The following TRIM31 variants were observed in gnomAD, a reference collection of about 807,000 sequenced individuals.
The protein encoded by TRIM31 is E3 ubiquitin-protein ligase TRIM31.
In TRIM31, 31 loss-of-function variants were observed where a neutral mutation model predicts 40.6. The ratio of observed to expected loss-of-function variants is 0.76; its 90% CI spans 0.57 to 1.03. The LOEUF (loss-of-function observed/expected upper bound fraction) is 1.03. Ranked by LOEUF, TRIM31 falls within the 50% of genes least tolerant of loss-of-function variation. The probability of loss-of-function intolerance (pLI) is 0.00; values close to 1 mark genes in which losing one functional copy is unlikely to be tolerated. For synonymous variants in TRIM31, 164 were observed against 193.9 expected (o/e 0.85, Z 1.28); for missense variants, 455 against 497.5 (o/e 0.91, Z 0.81).
At chr6:30,109,132 T>G (rs1226112266) in intron 4 of TRIM31, 84 bp from the exon 5 acceptor site, 1 of 1,428,476 alleles carries the variant, frequency 7.0e-7, no homozygotes, top group Non-Finnish European at 9.9e-7. Context: ...CTGCTGGGTG[T>G]GGGGCAGAGC....
intron 4 of TRIM31, 127 bp from the exon 5 acceptor site, chr6:30,109,175 AC>A: frequency 1.1e-6 from 1 of 899,378 alleles, no homozygotes; most frequent in Non-Finnish European, 1.8e-6. Flanking sequence ...AGTCTCTCTT[AC>A]CCCATCCTCC....
intron 4 of TRIM31, among the ~76,000 whole-genome samples, chr6:30,109,708 C>CAAAATTT (rs1339121729): frequency 1.3e-5 from 2 of 152,078 alleles, no homozygotes. Context: ...TGGTAAAACC[C>CAAAATTT]CGTGTCTGCT....
chr6:30,105,586 A>G (rs1240691716), intron 6 of TRIM31: 1 of 166,854 alleles, frequency 6.0e-6, no homozygotes, highest in Non-Finnish European at 1.3e-5. Flanking sequence ...ATTTAACTCA[A>G]TATTCTCAAA....
Position 30,111,417 on chromosome 6 carries a change from C to T in TRIM31, c.513+231G>A, listed in dbSNP as rs991317795. ...TGTACTTGCGATTCTAAGACCAGCG[C>T]GGGTTTTCCGTGCCCCACCTTGTCT... On this transcript the variant is annotated intron_variant, in intron 3 of 8. Transcript: ENST00000376734. 3 of 537,928 alleles carry T rather than the reference C, an allele frequency of 5.6e-6. No homozygotes were observed. In the African/African-American group the frequency reaches 5.7e-5, roughly 10 times the overall value. 33.3% of individuals were successfully genotyped at this position (537,928 alleles called of 1,614,324 possible). A position where few individuals can be genotyped will look rare whatever the true frequency, so the allele number is the denominator to read the frequency against.
At chr6:30,106,245 C>A (rs758054466) in intron 6 of TRIM31, among the ~76,000 whole-genome samples, 1 of 152,166 alleles carries the variant, frequency 6.6e-6, no homozygotes, top group Non-Finnish European at 1.5e-5. Context: ...GTGGGACAAG[C>A]GTGGGTAGCT....
chr6:30,112,980 A>G (rs1769519165), intron 1 of TRIM31, 84 bp downstream of exon 1: 1 of 569,212 alleles, frequency 1.8e-6, no homozygotes, highest in Non-Finnish European at 2.9e-6. Flanking sequence ...AAGAGGGAGA[A>G]AAAAATAAAG....
rs1769530588 is a variant in TRIM31 at position 30,113,071 on chromosome 6, C to T, written c.-91G>A. On this transcript the variant is annotated 5_prime_UTR_variant, in exon 1 of 9. Transcript: ENST00000376734. ...ACAGATGGGCAGTCCTACCTTGCTACCTCTTGAGAACAAATGGATACTTTG... is the reference window on the plus strand; with the variant it reads ...ACAGATGGGCAGTCCTACCTTGCTATCTCTTGAGAACAAATGGATACTTTG... 1 of 461,748 alleles carries T rather than the reference C, an allele frequency of 2.2e-6. No individual in the cohort carries two copies. Among genetic ancestry groups the T allele is most frequent in the Non-Finnish European group, 3.8e-6 (1 of 265,478 alleles). 28.6% of individuals were successfully genotyped at this position (461,748 alleles called of 1,614,324 possible).
At position 30,103,434 on chromosome 6, in the gene TRIM31, C is replaced by A; in HGVS notation, c.*102G>T. ...ATTCTCCACTCCTTCGACCCAATTC[C>A]ACTAAGTCAAGAACCGTGGTCGGTC... is the stretch of plus-strand genomic sequence containing the variant. On this transcript the variant is annotated 3_prime_UTR_variant, in exon 9 of 9. Coordinates refer to ENST00000376734, the MANE Select transcript of TRIM31 (RefSeq NM_007028.5). 1.9e-6 allele frequency: 3 copies of A among 1,538,700 alleles called. No individual in the cohort carries two copies. The South Asian group carries it at 3.7e-5, about 19-fold the overall frequency.
At chr6:30,109,137 C>T (rs1769043493) in intron 4 of TRIM31, 89 bp from the exon 5 acceptor site, 10 of 1,394,776 alleles carry the variant, frequency 7.2e-6, no homozygotes, top group Non-Finnish European at 1.0e-5. Flanking sequence ...GGGTGTGGGG[C>T]AGAGCAGGAG....
intron 5 of TRIM31, 144 bp from the exon 6 acceptor site, chr6:30,108,312 A>T: frequency 1.6e-6 from 1 of 630,854 alleles, no homozygotes; most frequent in Non-Finnish European, 2.8e-6. Context: ...TAATCCCAGC[A>T]CTTTGGGAGG....
chr6:30,111,626 C>T (rs1213538869), intron 3 of TRIM31, 22 bp downstream of exon 3: 1 of 1,609,100 alleles, frequency 6.2e-7, no homozygotes, highest in Non-Finnish European at 8.5e-7. Flanking sequence ...TTCCAGAGAT[C>T]GTGGGATGGA....
intron 6 of TRIM31, among the ~76,000 whole-genome samples, chr6:30,106,873 G>A (rs948542122): frequency 2.2e-4 from 33 of 152,208 alleles, no homozygotes; most frequent in Admixed American, 7.9e-4. Flanking sequence ...AGGCTGAGGC[G>A]GGTGGATCAC....
chr6:30,109,180 A>G, intron 4 of TRIM31, 132 bp from the exon 5 acceptor site: 1 of 850,984 alleles, frequency 1.2e-6, no homozygotes, highest in South Asian at 1.4e-5. Context: ...CTCTTACCCC[A>G]TCCTCCTCCC....
chr6:30,110,441 G>C lies in TRIM31; in HGVS notation c.744+7C>G. 6.2e-7 allele frequency: 1 copy of C among 1,613,750 alleles called. No individual in the cohort carries two copies. The highest frequency in any genetic ancestry group is 8.5e-7 in the Non-Finnish European group (1 of 1,179,804). On this transcript the variant is annotated splice_region_variant and intron_variant, in intron 4 of 8. Coordinates refer to ENST00000376734, the MANE Select transcript of TRIM31 (RefSeq NM_007028.5). ...CCTCTCTGCAATTCTGCCCCCAAGG[G>C]ACTCACCTCCAGCAGCTGCCTGGGT...
At chr6:30,106,815 G>C (rs918922674) in intron 6 of TRIM31, among the ~76,000 whole-genome samples, 1 of 152,152 alleles carries the variant, frequency 6.6e-6, no homozygotes, top group Non-Finnish European at 1.5e-5. Flanking sequence ...AAAGGTGCTG[G>C]ATCGGGCTGG....
Position 30,112,877 on chromosome 6 carries a change from T to G in TRIM31, c.-72A>C. 1 of 1,456,816 alleles carries G rather than the reference T, an allele frequency of 6.9e-7. No homozygotes were observed. Among genetic ancestry groups the G allele is most frequent in the Non-Finnish European group, 9.2e-7 (1 of 1,091,730 alleles). The allele number at this position is 1,456,816 out of a possible 1,614,324, so 90.2% of individuals were successfully genotyped here. On this transcript the variant is annotated 5_prime_UTR_variant, in exon 2 of 9. Transcript: ENST00000376734. ...TCTGTAGGAGCCCCGGAGTCCACTG[T>G]GGATACTGTTTCTAGGAAGGGAGAA...
At chr6:30,110,412 G>A in intron 4 of TRIM31, 36 bp downstream of exon 4, 2 of 1,601,194 alleles carry the variant, frequency 1.2e-6, no homozygotes, top group Admixed American at 1.7e-5. Context: ...GGGATGGGCT[G>A]CTACCTCTCT....
intron 7 of TRIM31, 45 bp from the exon 8 acceptor site, chr6:30,104,212 A>C (rs748843209): frequency 6.3e-7 from 1 of 1,599,436 alleles, no homozygotes; most frequent in East Asian, 2.2e-5. Context: ...GATAACCAGA[A>C]GCTGCAAATT....
At position 30,103,146 on chromosome 6, in the gene TRIM31, GCGTTGCTC is replaced by G; in HGVS notation, c.*382_*389del. The stretch of plus-strand genomic sequence containing the variant: ...GTTTGATGGACTGTGACCCAGGCTG[GCGTTGCTC>G]CTCTCCGGATTTCACTCCTGGCTGA... On this transcript the variant is annotated 3_prime_UTR_variant, in exon 9 of 9. Coordinates refer to ENST00000376734, the MANE Select transcript of TRIM31 (RefSeq NM_007028.5). 1 of 269,142 alleles carries G rather than the reference GCGTTGCTC, an allele frequency of 3.7e-6. No homozygotes were observed. Among genetic ancestry groups the G allele is most frequent in the Non-Finnish European group, 7.2e-6 (1 of 139,618 alleles). The allele number at this position is 269,142 out of a possible 1,614,324, so 16.7% of individuals were successfully genotyped here.
Sources: gnomAD v4.1 joint callset for allele counts (sites outside exome capture counted in the v4.1 genomes callset) on GRCh38, gnomAD v4.1.1 for gene constraint, MANE v1.5 for transcripts, NCBI Gene and HGNC (gene_info 2026-07-23, HGNC 2026-07-21) for gene names.